Variants in FHIT observed in about 807,000 individuals in gnomAD.
FHIT encodes fragile histidine triad diadenosine triphosphatase.
FHIT carries 19 observed loss-of-function variants against 17.9 expected under a neutral mutation model. The observed-to-expected ratio is 1.06, with a 90% CI of 0.74 to 1.56. FHIT has a LOEUF of 1.56. Ranked by LOEUF, FHIT falls within the 40% of genes most tolerant of loss-of-function variation. The probability of loss-of-function intolerance (pLI) is 0.00; values close to 1 mark genes in which losing one functional copy is unlikely to be tolerated. For missense variants in FHIT, 248 were observed against 189.2 expected (o/e 1.31, Z -1.82); for synonymous variants, 81 against 69.7 (o/e 1.16, Z -0.81).
At chr3:60,023,757 A>T (rs1700636399) in intron 5 of FHIT, among the ~76,000 whole-genome samples, 1 of 152,246 alleles carries the variant, frequency 6.6e-6, no homozygotes. Flanking sequence ...GATAGGCTCA[A>T]CTAGGATTCC....
chr3:59,771,013 TTTTA>T (rs1275534094), intron 8 of FHIT, among the ~76,000 whole-genome samples: 4 of 152,248 alleles, frequency 2.6e-5, no homozygotes, highest in Non-Finnish European at 4.4e-5. Flanking sequence ...ACATCGCCTC[TTTTA>T]TTTAACACGT....
At chr3:61,246,229 T>A (rs910013900) in intron 1 of FHIT, among the ~76,000 whole-genome samples, 2 of 152,190 alleles carry the variant, frequency 1.3e-5, no homozygotes, top group Non-Finnish European at 2.9e-5. Context: ...CCCTCAGGAC[T>A]GCTCCGTCTA....
intron 8 of FHIT, among the ~76,000 whole-genome samples, chr3:59,844,242 A>C (rs1701635182): frequency 6.6e-6 from 1 of 152,148 alleles, no homozygotes; most frequent in African/African-American, 2.4e-5. Context: ...ACAATCTGCA[A>C]ACAGATATAA....
chr3:60,438,725 G>A (rs900330624), intron 5 of FHIT, among the ~76,000 whole-genome samples: 10 of 152,056 alleles, frequency 6.6e-5, no homozygotes, highest in African/African-American at 2.4e-4. Flanking sequence ...AAGACAATGG[G>A]AAAATAACAT....
At chr3:59,910,380 G>C (rs931450682) in intron 8 of FHIT, among the ~76,000 whole-genome samples, 1 of 152,218 alleles carries the variant, frequency 6.6e-6, no homozygotes, top group Admixed American at 6.5e-5. Flanking sequence ...ACTTTTAATA[G>C]AATGGGAGGC....
intron 4 of FHIT, among the ~76,000 whole-genome samples, chr3:60,798,179 T>C (rs763088856): frequency 1.3e-5 from 2 of 152,152 alleles, no homozygotes; most frequent in Non-Finnish European, 2.9e-5. Context: ...GGGCCTTAGT[T>C]TGCAGATCCC....
intron 5 of FHIT, among the ~76,000 whole-genome samples, chr3:60,273,340 G>T (rs557831924): frequency 6.6e-6 from 1 of 152,300 alleles, no homozygotes; most frequent in South Asian, 2.1e-4. Flanking sequence ...CAGGCATGGT[G>T]GCTCACACCT....
chr3:60,546,833 C>A (rs2036383306), intron 4 of FHIT, among the ~76,000 whole-genome samples: 1 of 151,970 alleles, frequency 6.6e-6, no homozygotes, highest in African/African-American at 2.4e-5. Context: ...GTCTCGTTGT[C>A]TGCCACATGA....
chr3:60,744,629 A>C (rs2042320390), intron 4 of FHIT, among the ~76,000 whole-genome samples: 1 of 152,198 alleles, frequency 6.6e-6, no homozygotes, highest in Non-Finnish European at 1.5e-5. Flanking sequence ...GGTGTCCTGC[A>C]TTTTGAACAG....
At chr3:60,348,180 T>C (rs957740981) in intron 5 of FHIT, among the ~76,000 whole-genome samples, 1 of 152,018 alleles carries the variant, frequency 6.6e-6, no homozygotes, top group Non-Finnish European at 1.5e-5. Context: ...CACCTAAGAA[T>C]TGACAAATGT....
chr3:60,431,215 GAA>G (rs66778365), intron 5 of FHIT, among the ~76,000 whole-genome samples: 105,317 of 148,756 alleles, frequency 0.71, 37,696 homozygotes, highest in Non-Finnish European at 0.74. Flanking sequence ...CATCTCAAAA[GAA>G]AAAAAAAAAA....
chr3:59,844,307 T>C (rs1701637103), intron 8 of FHIT, among the ~76,000 whole-genome samples: 1 of 152,190 alleles, frequency 6.6e-6, no homozygotes, highest in South Asian at 2.1e-4. Context: ...TGAATTTTTC[T>C]GGCTAGGACT....
At chr3:60,578,398 C>T (rs1356913292) in intron 4 of FHIT, among the ~76,000 whole-genome samples, 2 of 150,954 alleles carry the variant, frequency 1.3e-5, no homozygotes, top group Non-Finnish European at 2.9e-5. Context: ...GATCTCACCA[C>T]TGCACTCTGG....
At chr3:61,104,675 T>A (rs1394829061) in intron 2 of FHIT, among the ~76,000 whole-genome samples, 1 of 152,178 alleles carries the variant, frequency 6.6e-6, no homozygotes, top group Non-Finnish European at 1.5e-5. Flanking sequence ...CCAAATTGGT[T>A]CCATTCTCCC....
intron 3 of FHIT, among the ~76,000 whole-genome samples, chr3:60,985,527 G>A (rs1357899503): frequency 1.3e-5 from 2 of 152,152 alleles, no homozygotes; most frequent in Non-Finnish European, 2.9e-5. Flanking sequence ...AAAAAAACAA[G>A]CATGTGACCT....
At chr3:60,327,084 C>T (rs1163430586) in intron 5 of FHIT, among the ~76,000 whole-genome samples, 1 of 152,160 alleles carries the variant, frequency 6.6e-6, no homozygotes, top group Non-Finnish European at 1.5e-5. Context: ...ACAGCACCTG[C>T]CAACCACAAC....
At chr3:60,732,864 A>G (rs559920115) in intron 4 of FHIT, among the ~76,000 whole-genome samples, 1 of 151,712 alleles carries the variant, frequency 6.6e-6, no homozygotes, top group South Asian at 2.1e-4. Context: ...TTTCTTTTGT[A>G]TTTTTAGTAG....
At chr3:60,822,880 C>T (rs550874314) in intron 3 of FHIT, among the ~76,000 whole-genome samples, 1 of 152,270 alleles carries the variant, frequency 6.6e-6, no homozygotes, top group Non-Finnish European at 1.5e-5. Context: ...CTGGCTGGTT[C>T]CTCACTGCTC....
At chr3:60,474,626 A>AT (rs111518978) in intron 5 of FHIT, among the ~76,000 whole-genome samples, 6,182 of 145,472 alleles carry the variant, frequency 0.042, 363 homozygotes, top group African/African-American at 0.13. Flanking sequence ...ACACAATACA[A>AT]TTTTTTTTTT....
Sources: allele counts gnomAD v4.1 joint callset (sites outside exome capture counted in the v4.1 genomes callset), GRCh38; gene constraint gnomAD v4.1.1; transcripts MANE v1.5; gene names NCBI Gene and HGNC (gene_info 2026-07-23, HGNC 2026-07-21).